CDH18: variants seen among roughly 807,000 people sequenced by gnomAD.
The protein encoded by CDH18 is cadherin 18, also known as cadherin-18.
A neutral mutation model predicts 67.9 loss-of-function variants in CDH18; 31 were observed. That is an observed-to-expected ratio of 0.46 (90% CI 0.34 to 0.62). The LOEUF (loss-of-function observed/expected upper bound fraction) is 0.62. CDH18 is among the 20% of genes least tolerant of loss of function. The pLI, the probability that CDH18 is intolerant of heterozygous loss-of-function variation, is 0.01. For missense variants in CDH18, 890 were observed against 975.5 expected, an observed-to-expected ratio of 0.91 and a Z score of 1.17; for synonymous variants, 362 against 347.2, an observed-to-expected ratio of 1.04 and a Z score of -0.48.
chr5:20,138,359 T>C (rs1046200319), intron 2 of CDH18, among the ~76,000 whole-genome samples: 2 of 152,136 alleles, frequency 1.3e-5, no homozygotes, highest in African/African-American at 4.8e-5. Context: ...GCCAATATCA[T>C]ACTGAATGGG....
At chr5:20,454,544 G>T (rs1168283417) in intron 1 of CDH18, among the ~76,000 whole-genome samples, 2 of 151,998 alleles carry the variant, frequency 1.3e-5, no homozygotes, top group Admixed American at 1.3e-4. Flanking sequence ...TATAGGAAAA[G>T]AATGAGAATA....
At chr5:20,358,979 C>T (rs1303228305) in intron 1 of CDH18, among the ~76,000 whole-genome samples, 1 of 140,026 alleles carries the variant, frequency 7.1e-6, no homozygotes, top group Non-Finnish European at 1.5e-5. Context: ...GTTGCCCTGG[C>T]TGGAGTGCAA....
intron 3 of CDH18, among the ~76,000 whole-genome samples, chr5:19,774,483 T>C (rs1774086486): frequency 7.6e-6 from 1 of 130,916 alleles, no homozygotes; most frequent in Non-Finnish European, 1.7e-5. Context: ...AATACTGATA[T>C]TAGGTAGAAA....
intron 3 of CDH18, among the ~76,000 whole-genome samples, chr5:19,804,658 C>G (rs1049476511): frequency 1.3e-5 from 2 of 152,124 alleles, no homozygotes; most frequent in Non-Finnish European, 2.9e-5. Context: ...CCAATATAAA[C>G]ATCATTAAAA....
intron 7 of CDH18, among the ~76,000 whole-genome samples, chr5:19,580,096 C>T (rs1742990079): frequency 6.6e-6 from 1 of 151,652 alleles, no homozygotes; most frequent in African/African-American, 2.4e-5. Context: ...TTGACATATG[C>T]ATACAACGTG....
At chr5:20,021,342 G>C (rs558356256) in intron 2 of CDH18, among the ~76,000 whole-genome samples, 1 of 152,220 alleles carries the variant, frequency 6.6e-6, no homozygotes, top group Non-Finnish European at 1.5e-5. Flanking sequence ...GTTGAGAGAG[G>C]AAGATTGTAC....
chr5:19,531,914 T>C (rs992347981), intron 9 of CDH18, among the ~76,000 whole-genome samples: 1 of 152,146 alleles, frequency 6.6e-6, no homozygotes, highest in African/African-American at 2.4e-5. Context: ...TCATTCTCAT[T>C]ACATTTGAAA....
At chr5:20,255,359 T>C (rs1319995053) in intron 2 of CDH18, 3 of 152,170 alleles carry the variant, frequency 2.0e-5, no homozygotes, top group Non-Finnish European at 4.4e-5. Flanking sequence ...GACATTTCTA[T>C]AATATTTTAA....
At chr5:20,155,641 C>A (rs1254474838) in intron 2 of CDH18, among the ~76,000 whole-genome samples, 2 of 151,954 alleles carry the variant, frequency 1.3e-5, no homozygotes, top group African/African-American at 4.8e-5. Context: ...ATCATAAATT[C>A]TTTGGTTAGG....
intron 6 of CDH18, among the ~76,000 whole-genome samples, chr5:19,611,781 T>C (rs549657316): frequency 6.6e-6 from 1 of 152,270 alleles, no homozygotes; most frequent in South Asian, 2.1e-4. Context: ...TTATATCCTT[T>C]ACATTCAGAA....
At chr5:20,565,443 C>T (rs1758447981) in intron 1 of CDH18, among the ~76,000 whole-genome samples, 1 of 152,078 alleles carries the variant, frequency 6.6e-6, no homozygotes, top group Non-Finnish European at 1.5e-5. Flanking sequence ...GTTAATTAAG[C>T]ATTGCTCCTT....
intron 8 of CDH18, among the ~76,000 whole-genome samples, chr5:19,568,134 T>C (rs898716678): frequency 1.3e-5 from 2 of 152,126 alleles, no homozygotes; most frequent in African/African-American, 4.8e-5. Flanking sequence ...GCCAGATAAT[T>C]TCTGTGGGAG....
At chr5:19,729,384 G>C (rs999286668) in intron 4 of CDH18, among the ~76,000 whole-genome samples, 3 of 152,162 alleles carry the variant, frequency 2.0e-5, no homozygotes, top group African/African-American at 7.2e-5. Context: ...TTGACAATTG[G>C]AGACGGCAGA....
Position 20,107,379 on chromosome 5 carries a change from CT to C in CDH18, c.-517-115366del, listed in dbSNP as rs1747052827. Among the ~76,000 whole-genome samples the C allele has an allele frequency of 1.3e-5, 2 of 152,154 alleles. 1 individual carries two copies. The highest frequency in any genetic ancestry group is 4.1e-4 in the South Asian group (2 of 4,832). ...GTGAGCCACTGCACCCAGCCTCTCT[CT>C]TATAACTTTCCTGAACAGAAATCAA... On this transcript the variant is annotated intron_variant, in intron 2 of 14. Coordinates refer to the CDH18 transcript ENST00000507958.
chr5:20,218,780 G>A (rs751493014), intron 2 of CDH18, among the ~76,000 whole-genome samples: 1 of 151,850 alleles, frequency 6.6e-6, no homozygotes, highest in Non-Finnish European at 1.5e-5. Context: ...TGATTCTGAG[G>A]CCTCCCCAGC....
intron 2 of CDH18, among the ~76,000 whole-genome samples, chr5:20,093,609 C>T (rs1460643608): frequency 1.3e-5 from 2 of 151,882 alleles, no homozygotes; most frequent in Admixed American, 6.6e-5. Flanking sequence ...CAAAATATAA[C>T]AGTAATAAAA....
chr5:19,503,203 A>G (rs1422621195), intron 10 of CDH18, 94 bp from the exon 11 acceptor site: 4 of 657,712 alleles, frequency 6.1e-6, no homozygotes, highest in South Asian at 2.1e-5. Context: ...AAATATTTTT[A>G]AAGGATCTTT....
intron 1 of CDH18, among the ~76,000 whole-genome samples, chr5:20,354,235 A>C (rs1273549250): frequency 6.6e-6 from 1 of 152,198 alleles, no homozygotes; most frequent in Non-Finnish European, 1.5e-5. Context: ...CAATTATATA[A>C]AGGGCTTTTA....
chr5:19,702,749 C>A (rs539513095), intron 5 of CDH18, among the ~76,000 whole-genome samples: 17 of 152,092 alleles, frequency 1.1e-4, no homozygotes, highest in African/African-American at 4.1e-4. Flanking sequence ...CATAAGCAGG[C>A]CCCAAAACTG....
Sources: allele counts gnomAD v4.1 joint callset (sites outside exome capture counted in the v4.1 genomes callset), GRCh38; gene constraint gnomAD v4.1.1; transcripts MANE v1.5; gene names NCBI Gene and HGNC (gene_info 2026-07-23, HGNC 2026-07-21).